The following TEX11 variants were observed in gnomAD, a reference collection of about 807,000 sequenced individuals.
The protein encoded by TEX11 is testis expressed 11, also known as testis-expressed protein 11.
Under a neutral mutation model 84.4 loss-of-function variants are expected in TEX11, and 7 were observed. The ratio of observed to expected loss-of-function variants is 0.08; its 90% confidence interval spans 0.05 to 0.16. The LOEUF (loss-of-function observed/expected upper bound fraction) is 0.16. TEX11 is among the 10% of genes least tolerant of loss of function. The probability of loss-of-function intolerance (pLI) is 1.00; values close to 1 mark genes in which losing one functional copy is unlikely to be tolerated. For missense variants in TEX11, 551 were observed against 660.5 expected (o/e 0.83, Z 1.82); for synonymous variants, 264 against 222.8 (o/e 1.18, Z -1.64).
chrX:70,541,995 A>C (rs1181041775), intron 28 of TEX11, among the ~76,000 whole-genome samples: 1 of 111,395 alleles, frequency 9.0e-6, no homozygotes, highest in Non-Finnish European at 1.9e-5. Context: ...TATCAACTTG[A>C]GCTTCTCCTT....
At chrX:70,561,875 A>G (rs2088381280) in intron 25 of TEX11, among the ~76,000 whole-genome samples, 2 of 112,383 alleles carry the variant, frequency 1.8e-5, no homozygotes, top group Admixed American at 1.9e-4. Flanking sequence ...ATTAATGTAA[A>G]TTATGTAAAT....
chrX:70,607,164 T>C (rs73216791), intron 22 of TEX11, 135 bp from the exon 23 acceptor site: 53,954 of 445,653 alleles, frequency 0.12, 2,769 homozygotes, highest in Middle Eastern at 0.19. Flanking sequence ...GTTTAAACAA[T>C]TAACTTTAGG....
intron 11 of TEX11, among the ~76,000 whole-genome samples, chrX:70,734,150 T>C (rs1245533485): frequency 1.8e-5 from 2 of 109,359 alleles, no homozygotes; most frequent in Non-Finnish European, 3.8e-5. Context: ...CCAGGGCCTG[T>C]TGTGGGTTGG....
chrX:70,907,774 AATC>A lies in TEX11; in HGVS notation c.13_15del (p.Asp5del), dbSNP rs1315019662. 2.0e-5 allele frequency: 24 copies of A among 1,187,565 alleles called. No homozygotes were observed. Among genetic ancestry groups the A allele is most frequent in the Non-Finnish European group, 2.6e-5 (23 of 874,607 alleles). ...GTACCTTTAAAGTCCATGGAAAAAA[AATC>A]ATCATTGTCCATTTTTAAATCTCTG... is the stretch of plus-strand genomic sequence containing the variant. On this transcript the variant is annotated inframe_deletion, in exon 2 of 30. Coordinates refer to ENST00000374333, the MANE Select transcript of TEX11 (RefSeq NM_031276.3).
intron 17 of TEX11, among the ~76,000 whole-genome samples, chrX:70,634,729 T>A (rs1341174748): frequency 1.2e-5 from 1 of 86,322 alleles, no homozygotes; most frequent in Non-Finnish European, 2.7e-5. Flanking sequence ...AAAAAAAAAT[T>A]TTCAATCCAT....
intron 13 of TEX11, among the ~76,000 whole-genome samples, chrX:70,690,531 C>CA (rs1409960622): frequency 9.1e-6 from 1 of 110,422 alleles, no homozygotes; most frequent in African/African-American, 3.3e-5. Context: ...CCTGTCTCTA[C>CA]AAAAAAATTA....
intron 16 of TEX11, among the ~76,000 whole-genome samples, chrX:70,656,773 A>C (rs1052394360): frequency 4.4e-5 from 5 of 112,403 alleles, no homozygotes; most frequent in Non-Finnish European, 7.5e-5. Flanking sequence ...TGATGGGGAA[A>C]CTGGAGAACA....
chrX:70,672,660 T>C (rs778609852), intron 15 of TEX11, among the ~76,000 whole-genome samples: 6 of 111,742 alleles, frequency 5.4e-5, no homozygotes, highest in Non-Finnish European at 9.4e-5. Flanking sequence ...GAAATGTCTG[T>C]TCATATCCTT....
chrX:70,534,288 T>G (rs1424979368), intron 28 of TEX11, among the ~76,000 whole-genome samples: 1 of 109,483 alleles, frequency 9.1e-6, no homozygotes, highest in Non-Finnish European at 1.9e-5. Flanking sequence ...ATTTGAGAGA[T>G]ATTTGGGAGG....
intron 13 of TEX11, among the ~76,000 whole-genome samples, chrX:70,717,697 ATATACT>A (rs2090519176): frequency 1.8e-5 from 2 of 112,278 alleles, no homozygotes; most frequent in African/African-American, 6.5e-5. Flanking sequence ...ACTGTGTAAA[ATATACT>A]TATGCTCTTG....
chrX:70,643,959 G>A (rs1403886083), intron 17 of TEX11, among the ~76,000 whole-genome samples: 1 of 103,880 alleles, frequency 9.6e-6, no homozygotes, highest in Non-Finnish European at 2.0e-5. Flanking sequence ...CACAGCAAAA[G>A]AAACTACCAT....
At chrX:70,733,972 C>G (rs901567682) in intron 11 of TEX11, among the ~76,000 whole-genome samples, 7 of 111,416 alleles carry the variant, frequency 6.3e-5, no homozygotes, top group African/African-American at 2.3e-4. Context: ...TACTATGCAG[C>G]CATAAAAAAT....
At chrX:70,794,329 T>C (rs985331757) in intron 9 of TEX11, among the ~76,000 whole-genome samples, 3 of 111,741 alleles carry the variant, frequency 2.7e-5, no homozygotes, top group African/African-American at 9.8e-5. Context: ...AGGGCAATCA[T>C]CCATTCCAGT....
chrX:70,872,642 C>G (rs1004087283), intron 4 of TEX11, among the ~76,000 whole-genome samples: 4 of 112,301 alleles, frequency 3.6e-5, no homozygotes, highest in Non-Finnish European at 7.5e-5. Context: ...CAGTGGACCA[C>G]ATTCAAAGCA....
intron 20 of TEX11, among the ~76,000 whole-genome samples, chrX:70,617,403 T>C (rs1404760020): frequency 9.4e-6 from 1 of 106,496 alleles, no homozygotes; most frequent in African/African-American, 3.4e-5. Flanking sequence ...ATAATACATA[T>C]ACACATATAT....
At chrX:70,634,562 T>A (rs2089547185) in intron 17 of TEX11, among the ~76,000 whole-genome samples, 1 of 110,752 alleles carries the variant, frequency 9.0e-6, no homozygotes, top group Non-Finnish European at 1.9e-5. Flanking sequence ...AGCGTAAGGA[T>A]GGATGAATAG....
chrX:70,553,851 T>G (rs1000866732), intron 26 of TEX11, among the ~76,000 whole-genome samples: 2 of 111,873 alleles, frequency 1.8e-5, no homozygotes, highest in African/African-American at 6.5e-5. Context: ...CAAGGGAGTA[T>G]CAGAGGTAAC....
At chrX:70,669,853 T>A (rs1292329357) in intron 16 of TEX11, among the ~76,000 whole-genome samples, 1 of 112,782 alleles carries the variant, frequency 8.9e-6, no homozygotes, top group African/African-American at 3.2e-5. Context: ...TTGGAAAGTA[T>A]TTCCGTTCTA....
chrX:70,659,235 T>C (rs1050573651), intron 16 of TEX11, among the ~76,000 whole-genome samples: 1 of 112,223 alleles, frequency 8.9e-6, no homozygotes, highest in Non-Finnish European at 1.9e-5. Context: ...TTTTAAAATC[T>C]ACTGTTCTTC....
Sources: gnomAD v4.1 joint callset for allele counts (sites outside exome capture counted in the v4.1 genomes callset) on GRCh38, gnomAD v4.1.1 for gene constraint, MANE v1.5 for transcripts, NCBI Gene and HGNC (gene_info 2026-07-23, HGNC 2026-07-21) for gene names.